The following GNA13 variants were observed in gnomAD, a reference collection of about 807,000 sequenced individuals.
GNA13 encodes G protein subunit alpha 13, also known as guanine nucleotide-binding protein subunit alpha-13.
In GNA13, 4 loss-of-function variants were observed where a neutral mutation model predicts 33.5. That is an observed-to-expected ratio of 0.12 (90% CI 0.06 to 0.27). The LOEUF is 0.27. GNA13 is among the 10% of genes least tolerant of loss of function. GNA13 has a pLI of 1.00. For synonymous variants in GNA13, 176 were observed against 183.8 expected (o/e 0.96, Z 0.34); for missense variants, 319 against 487.2 (o/e 0.65, Z 3.25).
intron 2 of GNA13, among the ~76,000 whole-genome samples, chr17:65,020,567 A>C (rs909389044): frequency 1.3e-5 from 2 of 152,120 alleles, no homozygotes; most frequent in Non-Finnish European, 2.9e-5. Context: ...ATTGTGCAAG[A>C]ATATTATGGG....
chr17:65,022,466 C>T (rs1906616343), intron 2 of GNA13, among the ~76,000 whole-genome samples: 1 of 151,272 alleles, frequency 6.6e-6, no homozygotes, highest in South Asian at 2.1e-4. Context: ...GAATACCACA[C>T]TTTTAAGGCA....
chr17:65,035,310 T>C (rs1250181362), intron 2 of GNA13, among the ~76,000 whole-genome samples: 1 of 152,166 alleles, frequency 6.6e-6, no homozygotes, highest in Non-Finnish European at 1.5e-5. Context: ...TTCTAAAAAA[T>C]GCCTTGCTGC....
chr17:65,037,793 A>AAAAAAAAAAAAAAG (rs1313729487), intron 2 of GNA13, among the ~76,000 whole-genome samples: 1 of 150,010 alleles, frequency 6.7e-6, no homozygotes, highest in East Asian at 1.9e-4. Flanking sequence ...AAAAAAAAAA[A>AAAAAAAAAAAAAAG]AAAAAAAGAC....
chr17:65,017,314 A>G (rs1906403554), intron 3 of GNA13, among the ~76,000 whole-genome samples: 1 of 152,200 alleles, frequency 6.6e-6, no homozygotes. Flanking sequence ...AGGCTGCTTC[A>G]CATGAAGCAC....
rs561406494 is a variant in GNA13 at position 65,012,189 on chromosome 17, T to C, written c.*2068A>G. ...CTGCTTTGTCAGGCAATATCTATGGTTCGTATCACAGATCTTAACTATGAC... is the reference window on the plus strand; with the variant it reads ...CTGCTTTGTCAGGCAATATCTATGGCTCGTATCACAGATCTTAACTATGAC... On this transcript the variant is annotated 3_prime_UTR_variant, in exon 4 of 4. Transcript: ENST00000439174. The C allele has an allele frequency of 4.5e-6, 1 of 220,842 alleles. No homozygotes were observed. Among genetic ancestry groups the C allele is most frequent in the African/African-American group, 2.2e-5 (1 of 44,836 alleles). The allele number at this position is 220,842 out of a possible 1,614,324, so 13.7% of individuals were successfully genotyped here.
rs570637945 is a variant in GNA13 at position 65,035,902 on chromosome 17, T to TA, written c.510+17599dup. Among the ~76,000 whole-genome samples, 14 of 152,204 alleles carry TA rather than the reference T, an allele frequency of 9.2e-5. No individual in the cohort carries two copies. The East Asian group carries it at 2.5e-3, about 27-fold the overall frequency. ...ATACAGTTTCAATTCCTCCACTATC[T>TA]AAAGAGAGGCGCCTATTAGAGCGCT... On this transcript the variant is annotated intron_variant, in intron 2 of 3. Transcript: ENST00000439174.
At chr17:65,052,922 G>C (rs1907907530) in intron 2 of GNA13, 1 of 152,516 alleles carries the variant, frequency 6.6e-6, no homozygotes, top group Non-Finnish European at 1.5e-5. Flanking sequence ...AGCTACACAG[G>C]AGGCTGAGGC....
intron 2 of GNA13, among the ~76,000 whole-genome samples, chr17:65,041,521 A>G (rs541198829): frequency 5.3e-5 from 8 of 152,246 alleles, no homozygotes; most frequent in African/African-American, 1.7e-4. Flanking sequence ...ATATATATGT[A>G]TTTTGTGAAC....
intron 2 of GNA13, among the ~76,000 whole-genome samples, chr17:65,028,244 A>G (rs1332792263): frequency 1.3e-5 from 2 of 151,924 alleles, no homozygotes; most frequent in East Asian, 3.9e-4. Flanking sequence ...AAACAAAACA[A>G]AAGTACAAAC....
rs894280810 is a variant in GNA13 at position 65,034,655 on chromosome 17, A to G, written c.511-16352T>C. Among the ~76,000 whole-genome samples, 4 of 152,220 alleles carry G rather than the reference A, an allele frequency of 2.6e-5. No individual in the cohort carries two copies. The East Asian group carries it at 7.7e-4, about 29-fold the overall frequency. ...TAGGAGTATTTCCGTAGTCCTATCA[A>G]ATGTTAACACAAAATGTACAACGCA... On this transcript the variant is annotated intron_variant, in intron 2 of 3. Coordinates refer to ENST00000439174, the MANE Select transcript of GNA13 (RefSeq NM_006572.6).
chr17:65,017,524 C>G (rs9909961), intron 3 of GNA13, among the ~76,000 whole-genome samples: 150,110 of 152,310 alleles, frequency 0.99, 74,010 homozygotes, highest in Middle Eastern at 1. Flanking sequence ...CTTTCTCCCA[C>G]TGAACTCTTC....
At chr17:65,021,157 T>C (rs1024970349) in intron 2 of GNA13, among the ~76,000 whole-genome samples, 10 of 152,218 alleles carry the variant, frequency 6.6e-5, no homozygotes, top group African/African-American at 2.4e-4. Flanking sequence ...CTTGTGGATA[T>C]TTCAGTTCCA....
rs759514162 is a variant in GNA13, at chr17:65,056,576, C to A, written c.18G>T (p.Pro6=). MADFL[P]SRSVLSVCFP... ...AGCACACGGACAGCACGGACCGCGACGGCAGGAAGTCCGCCATCTTGCCGC... is the reference window on the plus strand; with the variant it reads ...AGCACACGGACAGCACGGACCGCGAAGGCAGGAAGTCCGCCATCTTGCCGC... The change falls in exon 1 of 4, where the codon CCG becomes CCT. Residue 6 remains proline (P), a synonymous_variant. Coordinates refer to ENST00000439174, the MANE Select transcript of GNA13 (RefSeq NM_006572.6). 1.2e-6 allele frequency: 2 copies of A among 1,605,292 alleles called. No individual in the cohort carries two copies. The highest frequency in any genetic ancestry group is 2.2e-5 in the South Asian group (2 of 90,746).
chr17:65,056,183 G>A (rs1908047862), intron 1 of GNA13, 128 bp downstream of exon 1: 2 of 716,486 alleles, frequency 2.8e-6, no homozygotes, highest in South Asian at 3.5e-5. Context: ...CCCCCTTCCC[G>A]CCAGCCCGCC....
At chr17:65,052,895 C>T (rs1907906311) in intron 2 of GNA13, among the ~76,000 whole-genome samples, 1 of 152,098 alleles carries the variant, frequency 6.6e-6, no homozygotes, top group African/African-American at 2.4e-5. Context: ...GGTGTGGTGG[C>T]ACGCGCCTAT....
chr17:65,014,780 T>C lies in GNA13; in HGVS notation c.611A>G (p.Lys204Arg), dbSNP rs765670502. Reference protein sequence around the residue: ...QDILLARRPTKGIHEYDFEIK... With the variant: ...QDILLARRPTRGIHEYDFEIK... ...TTCAAAGTCGTATTCATGGATGCCT[T>C]TGGTGGGTCTTCTGGCAAGCAGAAT... The change falls in exon 4 of 4, where the codon AAA becomes AGA. Residue 204 changes from lysine to arginine, a missense_variant. Lys to Arg is a conservative substitution (Grantham distance 26). This residue lies in a region of GNA13 where 134 missense variants were observed against 241.3 expected (regional missense o/e 0.56). Coordinates refer to ENST00000439174, the MANE Select transcript of GNA13 (RefSeq NM_006572.6). The surrounding 1 kb of genome is among the most constrained non-coding windows in gnomAD (Gnocchi z 5.3). 1 of 1,613,822 alleles carries C rather than the reference T, an allele frequency of 6.2e-7. No homozygotes were observed. Among genetic ancestry groups the C allele is most frequent in the Non-Finnish European group, 8.5e-7 (1 of 1,179,724 alleles).
intron 2 of GNA13, among the ~76,000 whole-genome samples, chr17:65,030,182 T>G (rs566875804): frequency 6.6e-6 from 1 of 152,146 alleles, no homozygotes; most frequent in Admixed American, 6.5e-5. Flanking sequence ...AAGATAGAAT[T>G]TGGAAGGAGC....
intron 2 of GNA13, among the ~76,000 whole-genome samples, chr17:65,040,469 A>G (rs1213824045): frequency 6.6e-6 from 1 of 152,226 alleles, no homozygotes; most frequent in Non-Finnish European, 1.5e-5. Context: ...CAATTAGGAT[A>G]AATGGTATTT....
chr17:65,048,797 T>C (rs1006200942), intron 2 of GNA13, among the ~76,000 whole-genome samples: 3 of 152,230 alleles, frequency 2.0e-5, no homozygotes, highest in Non-Finnish European at 2.9e-5. Context: ...TTAAGTCATG[T>C]AGGGCCTTAA....
Sources: gnomAD v4.1 joint callset for allele counts (sites outside exome capture counted in the v4.1 genomes callset) on GRCh38, gnomAD v4.1.1 for gene constraint, gnomAD v4.1.1 regional missense constraint, Gnocchi (gnomAD v3.1) non-coding constraint, MANE v1.5 for transcripts, NCBI Gene and HGNC (gene_info 2026-07-23, HGNC 2026-07-21) for gene names.